The following BIN1 variants were observed in gnomAD, a reference collection of about 807,000 sequenced individuals.
The protein encoded by BIN1 is bridging integrator 1.
BIN1 carries 53 observed loss-of-function variants against 82.0 expected under a neutral mutation model. The observed-to-expected ratio is 0.65, with a 90% CI of 0.52 to 0.81. BIN1 has a LOEUF of 0.81. Among genes scored for constraint, BIN1 ranks in the 40% least tolerant of loss-of-function variants. The pLI is 0.00. For synonymous variants in BIN1, 302 were observed against 328.0 expected (o/e 0.92, Z 0.86); for missense variants, 642 against 784.4 (o/e 0.82, Z 2.17).
chr2:127,085,639 G>A (rs1434275593), intron 1 of BIN1, among the ~76,000 whole-genome samples: 2 of 152,134 alleles, frequency 1.3e-5, no homozygotes, highest in Non-Finnish European at 2.9e-5. Flanking sequence ...CCAGAGATGG[G>A]GAAACCAAGA....
intron 1 of BIN1, among the ~76,000 whole-genome samples, chr2:127,103,040 A>G (rs1175671952): frequency 2.6e-5 from 4 of 152,140 alleles, no homozygotes; most frequent in African/African-American, 9.7e-5. Flanking sequence ...TCTTTGTGCT[A>G]GGGCCTGGGA....
chr2:127,069,910 G>T, intron 5 of BIN1, 85 bp downstream of exon 5: 1 of 1,429,846 alleles, frequency 7.0e-7, no homozygotes, highest in Non-Finnish European at 9.7e-7. Context: ...GCCTCCTCCT[G>T]GCCTGAGCCG....
rs564747152 is a variant in BIN1, at chr2:127,052,399, C to T, written c.1264-37G>A. On this transcript the variant is annotated intron_variant, in intron 14 of 18. Coordinates refer to ENST00000316724, the MANE Select transcript of BIN1 (RefSeq NM_139343.3). ...CCACGAGGAGAGAACAGGGAGGGGG[C>T]GGGGAGGCCGGGGTGGAAAGGCAAT... 3.0e-5 allele frequency: 44 copies of T among 1,458,456 alleles called. No homozygotes were observed. The Admixed American group carries it at 5.6e-4, about 19-fold the overall frequency. 90.3% of individuals were successfully genotyped at this position (1,458,456 alleles called of 1,614,324 possible). A position where few individuals can be genotyped will look rare whatever the true frequency, so the allele number is the denominator to read the frequency against.
chr2:127,092,550 T>C (rs1163584440), intron 1 of BIN1, among the ~76,000 whole-genome samples: 2 of 152,126 alleles, frequency 1.3e-5, no homozygotes, highest in African/African-American at 4.8e-5. Flanking sequence ...CCGCAGTCCC[T>C]AGCACCACCA....
At chr2:127,050,267 G>A (rs554132723) in intron 18 of BIN1, 154 bp downstream of exon 18, 25 of 738,112 alleles carry the variant, frequency 3.4e-5, no homozygotes, top group Admixed American at 1.2e-4. Flanking sequence ...GAAAAAGCCC[G>A]ACGTGGAGGG....
At chr2:127,099,023 G>C (rs1233220277) in intron 1 of BIN1, among the ~76,000 whole-genome samples, 1 of 152,226 alleles carries the variant, frequency 6.6e-6, no homozygotes, top group Non-Finnish European at 1.5e-5. Context: ...GGTCCCTCCA[G>C]GGTGGCCGGG....
At chr2:127,064,161 G>A (rs1573611994) in intron 7 of BIN1, 143 bp from the exon 8 acceptor site, 1 of 927,662 alleles carries the variant, frequency 1.1e-6, no homozygotes. Context: ...TGAACTGGAT[G>A]TGGACACCCA....
At chr2:127,079,794 C>G (rs975271969) in intron 1 of BIN1, among the ~76,000 whole-genome samples, 3 of 152,216 alleles carry the variant, frequency 2.0e-5, no homozygotes, top group Non-Finnish European at 2.9e-5. Flanking sequence ...TGCTGCTCAT[C>G]TGAGCTGTGG....
intron 1 of BIN1, among the ~76,000 whole-genome samples, chr2:127,099,818 T>C (rs1680079416): frequency 6.7e-6 from 1 of 150,160 alleles, no homozygotes; most frequent in South Asian, 2.1e-4. Context: ...GGCCTTTTTT[T>C]TTTGAGACGG....
At chr2:127,086,518 T>A (rs1186093319) in intron 1 of BIN1, among the ~76,000 whole-genome samples, 2 of 148,422 alleles carry the variant, frequency 1.3e-5, no homozygotes, top group East Asian at 4.2e-4. Flanking sequence ...TTTCTTTTTT[T>A]TTTTTTTAAG....
Position 127,048,553 on chromosome 2 carries a change from G to A in BIN1, c.1755C>T (p.Pro585=), listed in dbSNP as rs906382843. 6 of 1,613,912 alleles carry A rather than the reference G, an allele frequency of 3.7e-6. No individual in the cohort carries two copies. The highest frequency in any genetic ancestry group is 1.7e-5 in the Admixed American group (1 of 60,034). ...KELEKCRGVF[P]ENFTERVP ...ATGGGACCCTCTCAGTGAAGTTCTC[G>A]GGGAAGACGCCACGGCACTTCTCCA... is the stretch of plus-strand genomic sequence containing the variant. Residue 585 remains proline, a synonymous_variant, in exon 19 of 19, where the codon CCC becomes CCT. Transcript: ENST00000316724.
chr2:127,063,210 G>A (rs1387135202), intron 9 of BIN1, among the ~76,000 whole-genome samples: 2 of 152,338 alleles, frequency 1.3e-5, no homozygotes, highest in African/African-American at 4.8e-5. Context: ...TTGAGAAAAT[G>A]CTAGTAATTT....
chr2:127,070,610 C>A lies in BIN1; in HGVS notation c.258G>T (p.Leu86=). ...HEASKKLNEC[L]QEVYEPDWPG... ...GCCAATCGGGCTCATACACCTCCTG[C>A]AGACACTCATTCAGCTTCTTGGAAG... The change falls in exon 4 of 19, where the codon CTG becomes CTT. Residue 86 remains leucine (L), a synonymous_variant. Transcript: ENST00000316724. 1 of 1,614,122 alleles carries A rather than the reference C, an allele frequency of 6.2e-7. No individual in the cohort carries two copies. Among genetic ancestry groups the A allele is most frequent in the Non-Finnish European group, 8.5e-7 (1 of 1,180,022 alleles).
rs977858425 is a variant in BIN1, at chr2:127,094,046, C to T, written c.84+12814G>A. Among the ~76,000 whole-genome samples, 22 of 152,294 alleles carry T rather than the reference C, an allele frequency of 1.4e-4. No individual in the cohort carries two copies. The East Asian group carries it at 4.3e-3, about 29-fold the overall frequency. On this transcript the variant is annotated intron_variant, in intron 1 of 18. Transcript: ENST00000316724. Reference sequence around the variant, plus strand: ...GCAGGGCTGGTCCACGAGCCGGCACCCCGACCTTCAGGGTCCTCGTGTGTG... The same window carrying T: ...GCAGGGCTGGTCCACGAGCCGGCACTCCGACCTTCAGGGTCCTCGTGTGTG...
At chr2:127,098,129 C>T (rs1679831976) in intron 1 of BIN1, among the ~76,000 whole-genome samples, 1 of 152,220 alleles carries the variant, frequency 6.6e-6, no homozygotes, top group East Asian at 1.9e-4. Flanking sequence ...GCCATCGCTG[C>T]CTCTACCCAG....
At chr2:127,104,557 C>T (rs6431219) in intron 1 of BIN1, among the ~76,000 whole-genome samples, 62,094 of 152,016 alleles carry the variant, frequency 0.41, 12,909 homozygotes, top group African/African-American at 0.45. Context: ...TCAGGAAACG[C>T]CTTCCTGTAG....
chr2:127,058,991 T>A lies in BIN1; in HGVS notation c.1002+20A>T. ...GAAGGAGGGAGGGCAGGGGACCTGCTACCAAGACATCACTCCTACCTGAGA... is the reference window on the plus strand; with the variant it reads ...GAAGGAGGGAGGGCAGGGGACCTGCAACCAAGACATCACTCCTACCTGAGA... On this transcript the variant is annotated intron_variant, in intron 11 of 18. Coordinates refer to ENST00000316724, the MANE Select transcript of BIN1 (RefSeq NM_139343.3). The A allele has an allele frequency of 6.4e-7, 1 of 1,553,798 alleles. No individual in the cohort carries two copies. Among genetic ancestry groups the A allele is most frequent in the Non-Finnish European group, 8.7e-7 (1 of 1,148,742 alleles).
At chr2:127,072,041 T>A (rs1685958284) in intron 2 of BIN1, among the ~76,000 whole-genome samples, 1 of 152,204 alleles carries the variant, frequency 6.6e-6, no homozygotes, top group Admixed American at 6.5e-5. Flanking sequence ...AGCCCAAGCC[T>A]CAGGGACACC....
intron 12 of BIN1, among the ~76,000 whole-genome samples, chr2:127,056,804 G>A (rs925406887): frequency 6.6e-6 from 1 of 152,220 alleles, no homozygotes; most frequent in Non-Finnish European, 1.5e-5. Flanking sequence ...ACTCCAGCCC[G>A]ACCTCCACCA....
Sources: gnomAD v4.1 joint callset for allele counts (sites outside exome capture counted in the v4.1 genomes callset) on GRCh38, gnomAD v4.1.1 for gene constraint, MANE v1.5 for transcripts, NCBI Gene and HGNC (gene_info 2026-07-23, HGNC 2026-07-21) for gene names.